Variants in UST observed in about 807,000 individuals in gnomAD.
UST encodes uronyl 2-sulfotransferase, also known as chondroitin sulfate 2-O-sulfotransferase.
A neutral mutation model predicts 45.6 loss-of-function variants in UST; 21 were observed. The ratio of observed to expected loss-of-function variants is 0.46; its 90% confidence interval spans 0.33 to 0.66. The LOEUF (loss-of-function observed/expected upper bound fraction) is 0.66. Ranked by LOEUF, UST falls within the 30% of genes least tolerant of loss-of-function variation. UST has a pLI of 0.02. For synonymous variants in UST, 215 were observed against 200.6 expected (o/e 1.07, Z -0.61); for missense variants, 463 against 512.4 (o/e 0.90, Z 0.93).
At chr6:148,868,667 GGAATACCCAAACCCTGCCAGGGTTTTGA>G (rs1258405403) in intron 1 of UST, among the ~76,000 whole-genome samples, 1 of 152,088 alleles carries the variant, frequency 6.6e-6, no homozygotes, top group African/African-American at 2.4e-5. Flanking sequence ...TACAAGTGTA[GGAATACCCAAACCCTGCCAGGGTTTTGA>G]AAATTACATT....
chr6:148,881,896 A>G (rs553325962), intron 1 of UST, among the ~76,000 whole-genome samples: 1 of 152,294 alleles, frequency 6.6e-6, no homozygotes, highest in South Asian at 2.1e-4. Flanking sequence ...GAAAGCGTAA[A>G]ATCCTAGGAT....
chr6:148,992,151 A>G (rs1446715997), intron 5 of UST, among the ~76,000 whole-genome samples: 3 of 152,210 alleles, frequency 2.0e-5, no homozygotes, highest in Non-Finnish European at 4.4e-5. Context: ...ATCAACAGGC[A>G]AAGAACACCT....
At chr6:149,060,095 G>A (rs12211152) in intron 7 of UST, among the ~76,000 whole-genome samples, 35,582 of 152,074 alleles carry the variant, frequency 0.23, 4,317 homozygotes, top group Admixed American at 0.26. Context: ...GGAACCTAGC[G>A]GTTTCTGCAT....
intron 1 of UST, among the ~76,000 whole-genome samples, chr6:148,792,165 G>C (rs1393204889): frequency 6.6e-6 from 1 of 152,122 alleles, no homozygotes; most frequent in African/African-American, 2.4e-5. Context: ...TCAGGATATT[G>C]GTATTCACTG....
chr6:148,814,397 A>G (rs958804006), intron 1 of UST, among the ~76,000 whole-genome samples: 2 of 152,174 alleles, frequency 1.3e-5, no homozygotes, highest in African/African-American at 4.8e-5. Flanking sequence ...CACACCAGTT[A>G]TGCCTTCTTG....
chr6:148,887,641 A>G (rs1778937544), intron 2 of UST, among the ~76,000 whole-genome samples: 1 of 152,256 alleles, frequency 6.6e-6, no homozygotes, highest in Non-Finnish European at 1.5e-5. Flanking sequence ...AACTAGAACA[A>G]ATTGATCATT....
At chr6:148,762,807 C>T (rs936498510) in intron 1 of UST, among the ~76,000 whole-genome samples, 1 of 152,092 alleles carries the variant, frequency 6.6e-6, no homozygotes, top group African/African-American at 2.4e-5. Flanking sequence ...GTTTTTGTTT[C>T]TGAGTTACTT....
intron 1 of UST, among the ~76,000 whole-genome samples, chr6:148,808,072 T>C (rs1582824674): frequency 6.6e-6 from 1 of 152,056 alleles, no homozygotes; most frequent in East Asian, 1.9e-4. Context: ...CGGGTATCAG[T>C]GGTATGGCTA....
At chr6:148,881,764 C>T (rs1020857246) in intron 1 of UST, among the ~76,000 whole-genome samples, 1 of 152,186 alleles carries the variant, frequency 6.6e-6, no homozygotes, top group Non-Finnish European at 1.5e-5. Flanking sequence ...CCTTTGATGC[C>T]TGGGAGCCTC....
At chr6:148,992,789 G>A (rs1318239895) in intron 5 of UST, among the ~76,000 whole-genome samples, 1 of 152,184 alleles carries the variant, frequency 6.6e-6, no homozygotes, top group Non-Finnish European at 1.5e-5. Flanking sequence ...TACAGCAGGA[G>A]CATATGGATG....
At chr6:149,033,272 A>T (rs958693875) in intron 7 of UST, among the ~76,000 whole-genome samples, 2 of 152,234 alleles carry the variant, frequency 1.3e-5, no homozygotes, top group African/African-American at 4.8e-5. Context: ...TTCTTTGCTT[A>T]TAAAATGTAC....
chr6:148,996,961 T>C (rs1781465021), intron 5 of UST, among the ~76,000 whole-genome samples: 2 of 152,220 alleles, frequency 1.3e-5, no homozygotes, highest in Admixed American at 1.3e-4. Context: ...GTTGTATATG[T>C]GGAGGTTTGT....
At chr6:148,970,150 G>A (rs1187147915) in intron 5 of UST, among the ~76,000 whole-genome samples, 2 of 152,184 alleles carry the variant, frequency 1.3e-5, no homozygotes, top group Non-Finnish European at 2.9e-5. Context: ...GGCCACTTCT[G>A]GGGGTTAGCA....
intron 1 of UST, among the ~76,000 whole-genome samples, chr6:148,837,698 T>C (rs79594321): frequency 6.9e-6 from 1 of 145,968 alleles, no homozygotes; most frequent in South Asian, 2.3e-4. Flanking sequence ...TTTTTTTTTT[T>C]TTCTCTCCTT....
intron 5 of UST, among the ~76,000 whole-genome samples, chr6:148,988,147 A>G (rs1189513729): frequency 6.6e-6 from 1 of 152,050 alleles, no homozygotes; most frequent in South Asian, 2.1e-4. Flanking sequence ...AGCTTGATAC[A>G]GAGGAGGAAC....
At chr6:148,941,527 A>G in intron 3 of UST, 93 bp downstream of exon 3, 1 of 1,357,444 alleles carries the variant, frequency 7.4e-7, no homozygotes, top group Middle Eastern at 2.3e-4. Flanking sequence ...CAGACTCCTG[A>G]TGAGTGAATA....
At chr6:148,879,941 C>CTTTTTTT (rs767195786) in intron 1 of UST, among the ~76,000 whole-genome samples, 5 of 109,882 alleles carry the variant, frequency 4.6e-5, no homozygotes, top group African/African-American at 6.9e-5. Flanking sequence ...TTTCTTTTTT[C>CTTTTTTT]TTTTTTTTTT....
chr6:148,922,570 G>T (rs1475103640), intron 2 of UST, among the ~76,000 whole-genome samples: 1 of 130,292 alleles, frequency 7.7e-6, no homozygotes, highest in Admixed American at 8.0e-5. Context: ...CTCACTGCAA[G>T]CTCCCTCTCG....
intron 1 of UST, among the ~76,000 whole-genome samples, chr6:148,857,246 C>T (rs1469128046): frequency 6.6e-6 from 1 of 152,150 alleles, no homozygotes; most frequent in Admixed American, 6.6e-5. Flanking sequence ...CAGCTACTCT[C>T]ACGGTCAGAG....
Sources: allele counts gnomAD v4.1 joint callset (sites outside exome capture counted in the v4.1 genomes callset), GRCh38; gene constraint gnomAD v4.1.1; transcripts MANE v1.5; gene names NCBI Gene and HGNC (gene_info 2026-07-23, HGNC 2026-07-21).